Variants in IQCH observed in about 807,000 individuals in gnomAD.
IQCH encodes IQ domain-containing protein H.
A neutral mutation model predicts 117.0 loss-of-function variants in IQCH; 98 were observed. The observed-to-expected ratio is 0.84, with a 90% confidence interval of 0.71 to 0.99. The LOEUF is 0.99. IQCH is among the 50% of genes least tolerant of loss of function. The probability of loss-of-function intolerance (pLI) is 0.00; values close to 1 mark genes in which losing one functional copy is unlikely to be tolerated. For synonymous variants in IQCH, 412 were observed against 448.2 expected, an observed-to-expected ratio of 0.92 and a Z score of 1.02; for missense variants, 1,102 against 1,243.8, an observed-to-expected ratio of 0.89 and a Z score of 1.72.
intron 1 of IQCH, among the ~76,000 whole-genome samples, chr15:67,258,915 T>G (rs1965344809): frequency 6.6e-6 from 1 of 152,202 alleles, no homozygotes; most frequent in African/African-American, 2.4e-5. Flanking sequence ...TTCTATAGTA[T>G]TTGTCTCTAT....
intron 14 of IQCH, among the ~76,000 whole-genome samples, chr15:67,410,095 T>A (rs183841381): frequency 6.6e-6 from 1 of 152,272 alleles, no homozygotes; most frequent in Admixed American, 6.5e-5. Context: ...AGAATGAGAG[T>A]TACCAGTGCA....
intron 18 of IQCH, among the ~76,000 whole-genome samples, chr15:67,489,438 G>C (rs1040726463): frequency 1.8e-4 from 28 of 152,046 alleles, no homozygotes; most frequent in African/African-American, 6.3e-4. Flanking sequence ...CGATTCTCCT[G>C]CCTCAGCCTC....
Position 67,494,282 on chromosome 15 carries a change from G to A in IQCH, c.2886G>A (p.Gly962=), listed in dbSNP as rs2083744715. 3 of 1,611,168 alleles carry A rather than the reference G, an allele frequency of 1.9e-6. No individual in the cohort carries two copies. The highest frequency in any genetic ancestry group is 2.5e-6 in the Non-Finnish European group (3 of 1,179,236). The change falls in exon 20 of 21, where the codon GGG becomes GGA. Residue 962 remains glycine (G), a synonymous_variant. Transcript: ENST00000335894. The surrounding 1 kb of genome is among the most constrained non-coding windows in gnomAD (Gnocchi z 5.5). ...GMLTIGEDLQ[G]VLMTFARHLF... is the part of the protein sequence containing the mutation. ...GAACAATCGGCGAGGATCTCCAGGGGGTCCTCATGACCTTTGCTCGCCATC... is the reference window on the plus strand; with the variant it reads ...GAACAATCGGCGAGGATCTCCAGGGAGTCCTCATGACCTTTGCTCGCCATC...
chr15:67,325,611 C>T (rs1968371301), intron 4 of IQCH, among the ~76,000 whole-genome samples: 1 of 152,046 alleles, frequency 6.6e-6, no homozygotes, highest in African/African-American at 2.4e-5. Flanking sequence ...GTACATTATA[C>T]TTACGATACT....
intron 4 of IQCH, among the ~76,000 whole-genome samples, chr15:67,302,039 C>A (rs892716665): frequency 1.3e-5 from 2 of 151,998 alleles, no homozygotes; most frequent in Non-Finnish European, 2.9e-5. Context: ...AACAGTGATT[C>A]TGTATTTGGC....
intron 8 of IQCH, 136 bp from the exon 9 acceptor site, chr15:67,371,975 T>C (rs557663586): frequency 1.4e-6 from 1 of 717,998 alleles, no homozygotes; most frequent in East Asian, 2.7e-5. Flanking sequence ...TTATGACGTG[T>C]GTGTTAAATC....
Position 67,400,305 on chromosome 15 carries a change from A to G in IQCH, c.2097A>G (p.Gln699=), listed in dbSNP as rs2140866763. 1 of 1,610,720 alleles carries G rather than the reference A, an allele frequency of 6.2e-7. No homozygotes were observed. Among genetic ancestry groups the G allele is most frequent in the Middle Eastern group, 1.7e-4 (1 of 6,040 alleles). The change falls in exon 14 of 21, where the codon CAA becomes CAG. Residue 699 remains glutamine, a splice_region_variant and synonymous_variant. Coordinates refer to ENST00000335894, the MANE Select transcript of IQCH (RefSeq NM_001031715.3). ...AAGACTGGAGAAAGAAATGGGCACA[A>G]GTGAGTATTCAATGGTGACTTAAAC... ...GLEDWRKKWA[Q]EPALVKISEE...
chr15:67,425,625 C>CTA lies in IQCH; in HGVS notation c.2505+4050_2505+4051dup, dbSNP rs2081869061. ...AGACTCTGTCTCAAAAAACAAATTA[C>CTA]TATTTCCTCCCTTGTAATTGATTAG... On this transcript the variant is annotated intron_variant, in intron 16 of 20. Transcript: ENST00000335894. The surrounding 1 kb of genome is among the most constrained non-coding windows in gnomAD (Gnocchi z 5.5). Among the ~76,000 whole-genome samples the CTA allele has an allele frequency of 6.6e-6, 1 of 152,108 alleles. No homozygotes were observed. Among genetic ancestry groups the CTA allele is most frequent in the Non-Finnish European group, 1.5e-5 (1 of 67,998 alleles).
In IQCH at chr15:67,442,998, C is replaced by CT. The variant is rs927315567; in HGVS notation, c.2505+21433dup. On this transcript the variant is annotated intron_variant, in intron 16 of 20. Coordinates refer to ENST00000335894, the MANE Select transcript of IQCH (RefSeq NM_001031715.3). ...CTGGATGAGACTGGAGACTGTTATT[C>CT]TTTTTTTTTTTTGAGATGGAGTCTT... Among the ~76,000 whole-genome samples the CT allele has an allele frequency of 5.6e-3, 810 of 143,864 alleles. 3 individuals are homozygous for CT. The highest frequency in any genetic ancestry group is 0.018 in the Middle Eastern group (5 of 274). The allele number at this position is 143,864 out of a possible 152,430, so 94.4% of individuals were successfully genotyped here. A position where few individuals can be genotyped will look rare whatever the true frequency, so the allele number is the denominator to read the frequency against.
At chr15:67,258,739 C>A (rs1486665732) in intron 1 of IQCH, among the ~76,000 whole-genome samples, 1 of 152,000 alleles carries the variant, frequency 6.6e-6, no homozygotes, top group African/African-American at 2.4e-5. Flanking sequence ...TCCAAATTGT[C>A]AAAATAATAA....
At chr15:67,332,388 T>C (rs1385673687) in intron 4 of IQCH, among the ~76,000 whole-genome samples, 1 of 152,114 alleles carries the variant, frequency 6.6e-6, no homozygotes, top group Non-Finnish European at 1.5e-5. Flanking sequence ...AATGGTGCAA[T>C]GTCTACAAAA....
At position 67,424,318 on chromosome 15, in the gene IQCH, T is replaced by A. The variant is rs997722999; in HGVS notation, c.2505+2741T>A. On this transcript the variant is annotated intron_variant, in intron 16 of 20. Coordinates refer to ENST00000335894, the MANE Select transcript of IQCH (RefSeq NM_001031715.3). The surrounding 1 kb of genome is among the most constrained non-coding windows in gnomAD (Gnocchi z 4.9). Reference sequence around the variant, plus strand: ...CCATCACATTTCAGCTCAAGCCACATTGACTGAAGCGCTTCCTGACCTTCC... The same window carrying A: ...CCATCACATTTCAGCTCAAGCCACAATGACTGAAGCGCTTCCTGACCTTCC... 6.6e-6 allele frequency among the ~76,000 whole-genome samples: 1 copy of A among 152,226 alleles called. No individual in the cohort carries two copies. The highest frequency in any genetic ancestry group is 1.9e-4 in the East Asian group (1 of 5,206).
At chr15:67,304,035 G>C (rs978918309) in intron 4 of IQCH, among the ~76,000 whole-genome samples, 3 of 152,044 alleles carry the variant, frequency 2.0e-5, no homozygotes, top group African/African-American at 7.2e-5. Context: ...ATTAAGACCA[G>C]GTATTCTATC....
chr15:67,321,538 CTTCCTTCCTTTCT>C (rs1287154365), intron 4 of IQCH, among the ~76,000 whole-genome samples: 1 of 127,800 alleles, frequency 7.8e-6, no homozygotes, highest in Non-Finnish European at 1.6e-5. Flanking sequence ...TCTTTCCTTC[CTTCCTTCCTTTCT>C]TTCCTTTCTT....
chr15:67,300,449 A>G (rs1053923224), intron 4 of IQCH, among the ~76,000 whole-genome samples: 17 of 152,202 alleles, frequency 1.1e-4, no homozygotes, highest in Non-Finnish European at 1.8e-4. Flanking sequence ...CTTGACGTCT[A>G]TTGTTCTTCA....
At chr15:67,318,462 C>T (rs1967955136) in intron 4 of IQCH, among the ~76,000 whole-genome samples, 1 of 152,294 alleles carries the variant, frequency 6.6e-6, no homozygotes, top group South Asian at 2.1e-4. Flanking sequence ...GCCAGTTCTT[C>T]CCACATTAAT....
rs1393744743 is a variant in IQCH, at chr15:67,418,554, A to ACACACACACAC, written c.2218+1503_2218+1504insCACACACACAC. On this transcript the variant is annotated intron_variant, in intron 15 of 20. Coordinates refer to ENST00000335894, the MANE Select transcript of IQCH (RefSeq NM_001031715.3). ...ACACACACACACACACACACACACA[A>ACACACACACAC]GATCAATAATAGGGTGTTTTTACTT... Among the ~76,000 whole-genome samples the ACACACACACAC allele has an allele frequency of 3.5e-4, 10 of 28,426 alleles. 1 individual carries two copies. The highest frequency in any genetic ancestry group is 1.6e-3 in the South Asian group (2 of 1,242). 18.6% of individuals were successfully genotyped at this position (28,426 alleles called of 152,430 possible).
intron 3 of IQCH, among the ~76,000 whole-genome samples, chr15:67,264,760 A>G (rs1261740757): frequency 6.6e-6 from 1 of 151,940 alleles, no homozygotes. Flanking sequence ...GGTGGGGATC[A>G]TTGGGGGCCA....
In IQCH at chr15:67,388,751, C is replaced by A; in HGVS notation, c.1457-80C>A. The A allele has an allele frequency of 8.0e-7, 1 of 1,251,250 alleles. No homozygotes were observed. Among genetic ancestry groups the A allele is most frequent in the Non-Finnish European group, 1.1e-6 (1 of 870,992 alleles). 77.5% of individuals were successfully genotyped at this position (1,251,250 alleles called of 1,614,324 possible). ...TGGATATGCTCTTTATTTTAAACTG[C>A]ACAACACCAATCGGATGCCAGAGTT... On this transcript the variant is annotated intron_variant, in intron 11 of 20. Coordinates refer to ENST00000335894, the MANE Select transcript of IQCH (RefSeq NM_001031715.3). This position sits in a 1 kb window ranked among gnomAD's most constrained non-coding sequence, Gnocchi z 5.5.
Sources: allele counts gnomAD v4.1 joint callset (sites outside exome capture counted in the v4.1 genomes callset), GRCh38; gene constraint gnomAD v4.1.1; non-coding constraint Gnocchi (gnomAD v3.1); transcripts MANE v1.5; gene names NCBI Gene and HGNC (gene_info 2026-07-23, HGNC 2026-07-21).